Variants in GAB2 observed in about 807,000 individuals in gnomAD.
GAB2 encodes the protein GRB2-associated-binding protein 2.
Under a neutral mutation model 65.5 loss-of-function variants are expected in GAB2, and 26 were observed. The observed-to-expected ratio is 0.40, with a 90% CI of 0.29 to 0.55. The LOEUF (loss-of-function observed/expected upper bound fraction) is 0.55. Among genes scored for constraint, GAB2 ranks in the 20% least tolerant of loss-of-function variants. GAB2 has a pLI of 0.53. For missense variants in GAB2, 884 were observed against 875.8 expected, an observed-to-expected ratio of 1.01 and a Z score of -0.12; for synonymous variants, 321 against 329.6, an observed-to-expected ratio of 0.97 and a Z score of 0.28.
At chr11:78,336,357 A>C (rs1161714150) in intron 1 of GAB2, among the ~76,000 whole-genome samples, 4 of 147,406 alleles carry the variant, frequency 2.7e-5, no homozygotes, top group South Asian at 2.1e-4. Context: ...AAAAAAAAAA[A>C]AAAAACACAA....
chr11:78,238,604 C>T (rs1266091717), intron 3 of GAB2, among the ~76,000 whole-genome samples: 2 of 148,366 alleles, frequency 1.3e-5, no homozygotes, highest in African/African-American at 4.9e-5. Context: ...GTTCTTGGAC[C>T]TTTACCTTAA....
chr11:78,400,816 A>G (rs112258111), intron 1 of GAB2, among the ~76,000 whole-genome samples: 2,484 of 138,748 alleles, frequency 0.018, 30 homozygotes, highest in Middle Eastern at 0.063. Flanking sequence ...AGGCACAAGA[A>G]TTGCTTACGC....
chr11:78,375,033 A>G (rs1247772475), intron 1 of GAB2, among the ~76,000 whole-genome samples: 1 of 152,100 alleles, frequency 6.6e-6, no homozygotes, highest in Non-Finnish European at 1.5e-5. Flanking sequence ...ATCTTTGTAT[A>G]TTTCGTTTAT....
chr11:78,254,347 A>G (rs1365818869), intron 2 of GAB2, among the ~76,000 whole-genome samples: 1 of 152,216 alleles, frequency 6.6e-6, no homozygotes, highest in African/African-American at 2.4e-5. Context: ...AAAAATCCAA[A>G]TATGTGTGTT....
At chr11:78,221,267 C>A (rs547161867) in intron 8 of GAB2, among the ~76,000 whole-genome samples, 1 of 152,210 alleles carries the variant, frequency 6.6e-6, no homozygotes, top group Admixed American at 6.5e-5. Flanking sequence ...GAAGAAATAT[C>A]CTCCTCTGCC....
chr11:78,358,753 C>G (rs891249820), intron 1 of GAB2, among the ~76,000 whole-genome samples: 1 of 151,924 alleles, frequency 6.6e-6, no homozygotes, highest in Non-Finnish European at 1.5e-5. Context: ...GGAAATAAGC[C>G]ATAATACCAT....
chr11:78,409,776 A>G (rs1308379952), intron 1 of GAB2, among the ~76,000 whole-genome samples: 2 of 152,200 alleles, frequency 1.3e-5, no homozygotes, highest in Non-Finnish European at 2.9e-5. Flanking sequence ...AAAAGATATA[A>G]TTGACATTTA....
At chr11:78,404,505 C>T (rs560407434) in intron 1 of GAB2, among the ~76,000 whole-genome samples, 1 of 152,370 alleles carries the variant, frequency 6.6e-6, no homozygotes, top group African/African-American at 2.4e-5. Context: ...CAAGATTGTA[C>T]CACTACACCT....
intron 1 of GAB2, among the ~76,000 whole-genome samples, chr11:78,415,835 A>G (rs1857188058): frequency 6.6e-6 from 1 of 152,228 alleles, no homozygotes; most frequent in South Asian, 2.1e-4. Context: ...TCAAGGAGCG[A>G]TAAGTCAAAT....
intron 1 of GAB2, among the ~76,000 whole-genome samples, chr11:78,320,198 A>G (rs531007544): frequency 7.2e-4 from 110 of 152,168 alleles, no homozygotes; most frequent in African/African-American, 2.6e-3. Context: ...TTTGAAAAAC[A>G]ATTTTATTTT....
rs1218206304 is a variant in GAB2 at position 78,232,753 on chromosome 11, G to GAGAT, written c.621-5706_621-5703dup. Among the ~76,000 whole-genome samples the GAGAT allele has an allele frequency of 5.3e-5, 8 of 152,060 alleles. No homozygotes were observed. The East Asian group carries it at 1.6e-3, about 30-fold the overall frequency. On this transcript the variant is annotated intron_variant, in intron 3 of 9. Transcript: ENST00000361507. ...TCAGGTTCCCACATAAATGAAAAAAGAGATAGATAGAAGGCTGGTATTAGT... is the reference window on the plus strand; with the variant it reads ...TCAGGTTCCCACATAAATGAAAAAAGAGATAGATAGATAGAAGGCTGGTATTAGT...
rs1286101231 is a variant in GAB2, at chr11:78,346,718, TA to T, written c.76-65818del. ...ATATATATATATATATATATATATATATAATTTTTTTTTTTTTTAGGAAAAG... is the reference window on the plus strand; with the variant it reads ...ATATATATATATATATATATATATATTAATTTTTTTTTTTTTTAGGAAAAG... On this transcript the variant is annotated intron_variant, in intron 1 of 9. Coordinates refer to ENST00000361507, the MANE Select transcript of GAB2 (RefSeq NM_080491.3). Among the ~76,000 whole-genome samples, 599 of 75,014 alleles carry T rather than the reference TA, an allele frequency of 8.0e-3. 25 individuals carry two copies. The highest frequency in any genetic ancestry group is 0.029 in the East Asian group (62 of 2,122). 49.2% of individuals were successfully genotyped at this position (75,014 alleles called of 152,430 possible).
At chr11:78,411,391 T>C (rs187464101) in intron 1 of GAB2, among the ~76,000 whole-genome samples, 2 of 152,242 alleles carry the variant, frequency 1.3e-5, no homozygotes, top group East Asian at 3.9e-4. Flanking sequence ...GATAATAGAA[T>C]AGCTAAAACA....
At chr11:78,397,308 A>T (rs551898375) in intron 1 of GAB2, among the ~76,000 whole-genome samples, 4 of 152,340 alleles carry the variant, frequency 2.6e-5, no homozygotes, top group African/African-American at 9.6e-5. Context: ...AAAGCATATA[A>T]AGCACTAATG....
At chr11:78,367,364 G>T (rs1182585311) in intron 1 of GAB2, among the ~76,000 whole-genome samples, 2 of 152,222 alleles carry the variant, frequency 1.3e-5, no homozygotes, top group Admixed American at 6.5e-5. Context: ...GTGTGTGCAT[G>T]TATGTGTGCG....
At chr11:78,352,362 G>T (rs1172937967) in intron 1 of GAB2, among the ~76,000 whole-genome samples, 1 of 152,212 alleles carries the variant, frequency 6.6e-6, no homozygotes, top group Non-Finnish European at 1.5e-5. Context: ...TTACATGCAG[G>T]ATGACTTCAC....
chr11:78,337,855 AG>A (rs1481924458), intron 1 of GAB2, among the ~76,000 whole-genome samples: 1 of 152,198 alleles, frequency 6.6e-6, no homozygotes, highest in African/African-American at 2.4e-5. Flanking sequence ...TAATATTAGG[AG>A]TTTAGAGGCA....
intron 1 of GAB2, among the ~76,000 whole-genome samples, chr11:78,293,764 A>G (rs1362963861): frequency 6.6e-6 from 1 of 152,190 alleles, no homozygotes; most frequent in Non-Finnish European, 1.5e-5. Context: ...GGTTGTCACA[A>G]TATTTCCCTG....
intron 3 of GAB2, 45 bp downstream of exon 3, chr11:78,250,112 T>C (rs1307536030): frequency 1.9e-6 from 3 of 1,603,486 alleles, no homozygotes; most frequent in Non-Finnish European, 2.6e-6. Context: ...TACTAGGCCC[T>C]GTGAGCGGTC....
Sources: gnomAD v4.1 joint callset for allele counts (sites outside exome capture counted in the v4.1 genomes callset) on GRCh38, gnomAD v4.1.1 for gene constraint, MANE v1.5 for transcripts, NCBI Gene and HGNC (gene_info 2026-07-23, HGNC 2026-07-21) for gene names.